HABP2: variants seen among roughly 807,000 people sequenced by gnomAD.
The protein encoded by HABP2 is factor VII-activating protease.
A neutral mutation model predicts 66.5 loss-of-function variants in HABP2; 65 were observed. That is an observed-to-expected ratio of 0.98 (90% CI 0.80 to 1.20). The LOEUF (loss-of-function observed/expected upper bound fraction) is 1.20, where lower values mean the gene tolerates loss of function less well. Ranked by LOEUF, HABP2 falls within the 50% of genes most tolerant of loss-of-function variation. HABP2 has a pLI of 0.00. For missense variants in HABP2, 786 were observed against 691.0 expected, an observed-to-expected ratio of 1.14 and a Z score of -1.54; for synonymous variants, 263 against 253.9, an observed-to-expected ratio of 1.04 and a Z score of -0.34.
In HABP2 at chr10:113,580,672, T is replaced by C. The variant is rs1411675386; in HGVS notation, c.818T>C (p.Val273Ala). 1 of 1,583,570 alleles carries C rather than the reference T, an allele frequency of 6.3e-7. No homozygotes were observed. The change falls in exon 8 of 13, where the codon GTC becomes GCC. Residue 273 changes from valine to alanine, a missense_variant. Physicochemically the swap from Val to Ala is moderately conservative, Grantham distance 64 (BLOSUM62 0). Transcript: ENST00000351270. ...NDKVKWEYCDVSACSAQDVAY... is the reference protein window; with the variant it reads ...NDKVKWEYCDASACSAQDVAY... ...AAGGTGAAATGGGAATACTGTGATG[T>C]CTCAGCCTGCTCAGCCCAGGGTAAA... is the stretch of plus-strand genomic sequence containing the variant.
intron 1 of HABP2, among the ~76,000 whole-genome samples, chr10:113,565,149 CTCT>C (rs1208185539): frequency 4.6e-5 from 7 of 152,198 alleles, no homozygotes; most frequent in Non-Finnish European, 1.0e-4. Flanking sequence ...CAGCCAGCGT[CTCT>C]TAAGAATAAG....
In HABP2 at chr10:113,578,626, G is replaced by A. The variant is rs751837487; in HGVS notation, c.569-1G>A. The A allele has an allele frequency of 2.5e-6, 4 of 1,609,464 alleles. No individual in the cohort carries two copies. Among genetic ancestry groups the A allele is most frequent in the Non-Finnish European group, 3.4e-6 (4 of 1,177,000 alleles). ...TCACATTGCTACCTGCTCTCTCGGA[G>A]GTTCTGATGACTGCTATGTTGGCGA... On this transcript the variant is annotated splice_acceptor_variant, in intron 6 of 12. Coordinates refer to ENST00000351270, the MANE Select transcript of HABP2 (RefSeq NM_004132.5). LOFTEE classifies it high-confidence loss of function.
At position 113,574,304 on chromosome 10, in the gene HABP2, A is replaced by C. The variant is rs1405804838; in HGVS notation, c.122A>C (p.Gln41Pro). 6.3e-7 allele frequency: 1 copy of C among 1,585,372 alleles called. No individual in the cohort carries two copies. The highest frequency in any genetic ancestry group is 1.1e-5 in the South Asian group (1 of 90,504). The change falls in exon 3 of 13, where the codon CAG becomes CCG. Residue 41 changes from glutamine to proline, a missense_variant. By Grantham distance (76) the Gln-to-Pro change is moderately conservative (BLOSUM62 -1). Coordinates refer to ENST00000351270, the MANE Select transcript of HABP2 (RefSeq NM_004132.5). Reference protein sequence around the residue: ...ESLDPDWTPDQYDYSYEDYNQ... With the variant: ...ESLDPDWTPDPYDYSYEDYNQ... ...ATCCCTGCAGACTGGACCCCTGACC[A>C]GTATGATTACAGCTACGAGGATTAT... is the stretch of plus-strand genomic sequence containing the variant.
chr10:113,587,104 C>T (rs1478239845), intron 12 of HABP2, among the ~76,000 whole-genome samples: 2 of 152,212 alleles, frequency 1.3e-5, no homozygotes, highest in African/African-American at 4.8e-5. Flanking sequence ...CACCTGAGGT[C>T]AGGAGTTCAA....
Position 113,575,890 on chromosome 10 carries a change from GTC to G in HABP2, c.224-5_224-4del. ...TACCAACATTGCCTTCTTCCTGTGT[GTC>G]TTAGATCCATGCCAGCCCAACCCCT... On this transcript the variant is annotated splice_polypyrimidine_tract_variant and splice_region_variant and intron_variant, in intron 3 of 12. Transcript: ENST00000351270. 6.4e-7 allele frequency: 1 copy of G among 1,556,204 alleles called. No homozygotes were observed. The highest frequency in any genetic ancestry group is 8.9e-7 in the Non-Finnish European group (1 of 1,128,152).
chr10:113,566,197 C>T (rs1420457128), intron 1 of HABP2, among the ~76,000 whole-genome samples: 1 of 152,192 alleles, frequency 6.6e-6, no homozygotes, highest in Admixed American at 6.5e-5. Flanking sequence ...GTAGAACTCG[C>T]ATTTCTTTAA....
At chr10:113,570,380 T>A (rs11575724) in intron 2 of HABP2, among the ~76,000 whole-genome samples, 1,838 of 152,354 alleles carry the variant, frequency 0.012, 48 homozygotes, top group African/African-American at 0.042. Flanking sequence ...TTCTTCCTGA[T>A]AATTTCTAGA....
intron 2 of HABP2, among the ~76,000 whole-genome samples, chr10:113,571,421 TAC>T (rs759270771): frequency 3.9e-5 from 6 of 152,110 alleles, no homozygotes; most frequent in African/African-American, 1.2e-4. Flanking sequence ...GTGGGAGAGA[TAC>T]AGAGTCGAGA....
chr10:113,582,816 G>A (rs949223227), intron 9 of HABP2, among the ~76,000 whole-genome samples: 2 of 152,190 alleles, frequency 1.3e-5, no homozygotes, highest in African/African-American at 2.4e-5. Flanking sequence ...GGTTTTGGAG[G>A]TGGCCATGAA....
At chr10:113,573,168 G>T (rs1845344968) in intron 2 of HABP2, among the ~76,000 whole-genome samples, 1 of 152,280 alleles carries the variant, frequency 6.6e-6, no homozygotes, top group East Asian at 1.9e-4. Context: ...CAGCCGGCTG[G>T]AGAGAGCAAA....
At chr10:113,575,245 G>C (rs1395891723) in intron 3 of HABP2, among the ~76,000 whole-genome samples, 1 of 152,146 alleles carries the variant, frequency 6.6e-6, no homozygotes. Context: ...CAATGTGTGT[G>C]AACAGAAGGA....
intron 8 of HABP2, 55 bp downstream of exon 8, chr10:113,580,747 G>C: frequency 1.1e-6 from 1 of 891,864 alleles, no homozygotes; most frequent in Non-Finnish European, 1.9e-6. Flanking sequence ...GAGATTTGTA[G>C]GGAGATGTCC....
intron 11 of HABP2, 111 bp from the exon 12 acceptor site, chr10:113,585,682 C>G: frequency 2.5e-6 from 2 of 791,114 alleles, no homozygotes; most frequent in East Asian, 2.5e-5. Flanking sequence ...AAAACCCTTC[C>G]CTTCTGAGCT....
intron 1 of HABP2, among the ~76,000 whole-genome samples, chr10:113,563,807 C>T (rs375897409): frequency 5.3e-5 from 8 of 152,158 alleles, no homozygotes; most frequent in African/African-American, 1.9e-4. Context: ...CATGGCCCAC[C>T]CTGTTCGGCT....
At chr10:113,568,874 T>G (rs1845251070) in intron 2 of HABP2, among the ~76,000 whole-genome samples, 1 of 152,188 alleles carries the variant, frequency 6.6e-6, no homozygotes, top group Non-Finnish European at 1.5e-5. Context: ...TACTGCCAGC[T>G]GCCAGAAAGT....
chr10:113,578,191 A>G (rs1455528190), intron 6 of HABP2, 46 bp downstream of exon 6: 1 of 1,600,678 alleles, frequency 6.2e-7, no homozygotes, highest in African/African-American at 1.3e-5. Context: ...GGCCTCTGGA[A>G]CCCTTTCCTC....
upstream of HABP2, among the ~76,000 whole-genome samples, chr10:113,552,516 C>G (rs1177399154): frequency 2.6e-5 from 4 of 152,124 alleles, no homozygotes; most frequent in African/African-American, 9.7e-5. Flanking sequence ...AAAGTCTTAC[C>G]TAATGAGGTT....
intron 1 of HABP2, among the ~76,000 whole-genome samples, chr10:113,567,052 C>T (rs1052151540): frequency 6.6e-6 from 1 of 152,208 alleles, no homozygotes; most frequent in African/African-American, 2.4e-5. Context: ...CCTATCACAG[C>T]TATGTGACCT....
At chr10:113,581,091 T>C (rs1472967880) in intron 8 of HABP2, among the ~76,000 whole-genome samples, 1 of 152,224 alleles carries the variant, frequency 6.6e-6, no homozygotes, top group Non-Finnish European at 1.5e-5. Flanking sequence ...CCTGGCCATC[T>C]GTCCTGGCCC....
Sources: allele counts gnomAD v4.1 joint callset (sites outside exome capture counted in the v4.1 genomes callset), GRCh38; gene constraint gnomAD v4.1.1; transcripts MANE v1.5; gene names NCBI Gene and HGNC (gene_info 2026-07-23, HGNC 2026-07-21).